Variants in TXNDC12 observed in about 807,000 individuals in gnomAD.
TXNDC12 encodes thioredoxin domain-containing protein 12.
TXNDC12 carries 22 observed loss-of-function variants against 24.2 expected under a neutral mutation model. The ratio of observed to expected loss-of-function variants is 0.91; its 90% CI spans 0.65 to 1.30. TXNDC12 has a LOEUF of 1.30. TXNDC12 is among the 50% of genes most tolerant of loss of function. The pLI, the probability that TXNDC12 is intolerant of heterozygous loss-of-function variation, is 0.00. For synonymous variants in TXNDC12, 58 were observed against 73.4 expected, an observed-to-expected ratio of 0.79 and a Z score of 1.07; for missense variants, 184 against 205.8, an observed-to-expected ratio of 0.89 and a Z score of 0.65.
Position 52,033,436 on chromosome 1 carries a change from C to G in TXNDC12, c.159-4806G>C, listed in dbSNP as rs944001448. On this transcript the variant is annotated intron_variant, in intron 2 of 6. Coordinates refer to ENST00000371626, the MANE Select transcript of TXNDC12 (RefSeq NM_015913.4). ...AGGTCCCGCGATCGGGCCGCCGGGC[C>G]GTACGCAGTAGACCAGGCAGAGCGG... The G allele has an allele frequency of 1.1e-5, 18 of 1,612,642 alleles. No homozygotes were observed. Among genetic ancestry groups the G allele is most frequent in the Admixed American group, 5.0e-5 (3 of 59,948 alleles).
chr1:52,054,869 G>C (rs1390657267), intron 1 of TXNDC12, 131 bp downstream of exon 1: 1 of 648,696 alleles, frequency 1.5e-6, no homozygotes, highest in Non-Finnish European at 2.7e-6. Context: ...GGAGCGGTTG[G>C]GGAAGATAAA....
chr1:52,037,751 G>GT (rs1444802023), intron 2 of TXNDC12, among the ~76,000 whole-genome samples: 1 of 152,102 alleles, frequency 6.6e-6, no homozygotes, highest in African/African-American at 2.4e-5. Flanking sequence ...GAGGCTGGAG[G>GT]TTAACAGCTT....
At position 52,024,017 on chromosome 1, in the gene TXNDC12, T is replaced by C. The variant is rs115831110; in HGVS notation, c.356-443A>G. Among the ~76,000 whole-genome samples the C allele has an allele frequency of 3.4e-3, 514 of 151,306 alleles. 3 individuals are homozygous for C. The highest frequency in any genetic ancestry group is 0.012 in the African/African-American group (489 of 41,152). On this transcript the variant is annotated intron_variant, in intron 5 of 6. Coordinates refer to ENST00000371626, the MANE Select transcript of TXNDC12 (RefSeq NM_015913.4). ...TTTTTTTTTTTTTGAGACAGGGTCA[T>C]TCAGTTTCCTTCTGTCATTCAGGCT...
At chr1:52,054,161 G>A (rs1198805392) in intron 1 of TXNDC12, among the ~76,000 whole-genome samples, 1 of 150,284 alleles carries the variant, frequency 6.7e-6, no homozygotes, top group East Asian at 1.9e-4. Context: ...GAGAGGATAA[G>A]AGAAAACAAA....
chr1:52,034,835 C>T (rs573713850), intron 2 of TXNDC12, among the ~76,000 whole-genome samples: 1 of 152,248 alleles, frequency 6.6e-6, no homozygotes, highest in African/African-American at 2.4e-5. Flanking sequence ...ATGATCTCAG[C>T]TCCCTGCAAC....
At position 52,024,524 on chromosome 1, in the gene TXNDC12, C is replaced by T. The variant is rs138944221; in HGVS notation, c.341G>A (p.Arg114Gln). ...DFSPDGGYIP[R>Q]ILFLDPSGKV... The stretch of plus-strand genomic sequence containing the variant: ...ATGTGCCTTACCCAGAAAAAGGATT[C>T]GTGGAATATAACCCCCGTCAGGGCT... Residue 114 changes from arginine to glutamine, a missense_variant, in exon 5 of 7, where the codon CGA becomes CAA. Coordinates refer to ENST00000371626, the MANE Select transcript of TXNDC12 (RefSeq NM_015913.4). The T allele has an allele frequency of 3.5e-5, 56 of 1,612,482 alleles. No individual in the cohort carries two copies. Among genetic ancestry groups the T allele is most frequent in the Admixed American group, 8.3e-5 (5 of 59,960 alleles).
chr1:52,046,882 T>A (rs1372298006), intron 1 of TXNDC12, among the ~76,000 whole-genome samples: 1 of 146,058 alleles, frequency 6.8e-6, no homozygotes, highest in Non-Finnish European at 1.5e-5. Flanking sequence ...TATATATATA[T>A]ATATATATAT....
rs1229275355 is a variant in TXNDC12 at position 52,046,866 on chromosome 1, A to AAATATAT, written c.98-5270_98-5269insATATATT. Among the ~76,000 whole-genome samples the AAATATAT allele has an allele frequency of 0.012, 376 of 30,108 alleles. 13 individuals are homozygous for AAATATAT. In the East Asian group the frequency reaches 0.15, roughly 12 times the overall value. 19.8% of individuals were successfully genotyped at this position (30,108 alleles called of 152,430 possible). On this transcript the variant is annotated intron_variant, in intron 1 of 6. Transcript: ENST00000371626. ...CCCCATCTCTACTAAAAAAAAAAAA[A>AAATATAT]ATATATATATATATATATATATATA...
chr1:52,034,133 T>C, intron 2 of TXNDC12: 1 of 1,066,034 alleles, frequency 9.4e-7, no homozygotes, highest in Non-Finnish European at 1.2e-6. Flanking sequence ...TTCTCCTTCA[T>C]TCCTCCTCTT....
chr1:52,051,029 C>A (rs949254270), intron 1 of TXNDC12: 1 of 169,336 alleles, frequency 5.9e-6, no homozygotes, highest in East Asian at 1.9e-4. Flanking sequence ...GACTCCTTTG[C>A]CTCATTTGAG....
intron 2 of TXNDC12, among the ~76,000 whole-genome samples, chr1:52,036,489 C>T (rs1572004955): frequency 6.6e-6 from 1 of 152,102 alleles, no homozygotes; most frequent in East Asian, 1.9e-4. Flanking sequence ...CTTGCTGTCT[C>T]AGGATGGCAG....
At chr1:52,042,989 A>G (rs2124384782) in intron 1 of TXNDC12, among the ~76,000 whole-genome samples, 1 of 152,164 alleles carries the variant, frequency 6.6e-6, no homozygotes, top group East Asian at 1.9e-4. Flanking sequence ...CGAACTCCTG[A>G]GCTCAGGTGA....
At chr1:52,025,817 C>A (rs928952510) in intron 4 of TXNDC12, among the ~76,000 whole-genome samples, 28 of 151,346 alleles carry the variant, frequency 1.9e-4, no homozygotes, top group Non-Finnish European at 3.5e-4. Context: ...TTTAAGTAAA[C>A]ATTATCTTTT....
chr1:52,023,340 C>T, intron 6 of TXNDC12, 151 bp downstream of exon 6: 6 of 590,760 alleles, frequency 1.0e-5, no homozygotes, highest in Non-Finnish European at 1.8e-5. Flanking sequence ...CATCTTCCTC[C>T]TATATCCTAC....
At chr1:52,023,664 A>G (rs1557989770) in intron 5 of TXNDC12, 90 bp from the exon 6 acceptor site, 2 of 944,730 alleles carry the variant, frequency 2.1e-6, no homozygotes, top group Non-Finnish European at 3.4e-6. Context: ...CCTCTGGGAA[A>G]TAAGATCTGC....
intron 3 of TXNDC12, among the ~76,000 whole-genome samples, chr1:52,027,971 G>A (rs570669315): frequency 1.8e-4 from 28 of 151,752 alleles, no homozygotes; most frequent in Non-Finnish European, 3.5e-4. Flanking sequence ...GATTACAGGC[G>A]CGTGCCACCA....
intron 2 of TXNDC12, chr1:52,032,700 G>C: frequency 6.2e-7 from 1 of 1,603,026 alleles, no homozygotes; most frequent in Non-Finnish European, 8.5e-7. Context: ...CCTCTGGTCA[G>C]TGCAGGCTCT....
chr1:52,023,721 G>C, intron 5 of TXNDC12, 147 bp from the exon 6 acceptor site: 1 of 578,422 alleles, frequency 1.7e-6, no homozygotes, highest in African/African-American at 1.9e-5. Flanking sequence ...CTACATTTCT[G>C]CTTCCTTTTC....
At chr1:52,040,394 C>T (rs1454297105) in intron 2 of TXNDC12, among the ~76,000 whole-genome samples, 1 of 151,978 alleles carries the variant, frequency 6.6e-6, no homozygotes, top group Non-Finnish European at 1.5e-5. Flanking sequence ...ACCATGTTGC[C>T]CAGATTGGTC....
Sources: gnomAD v4.1 joint callset for allele counts (sites outside exome capture counted in the v4.1 genomes callset) on GRCh38, gnomAD v4.1.1 for gene constraint, MANE v1.5 for transcripts, NCBI Gene and HGNC (gene_info 2026-07-23, HGNC 2026-07-21) for gene names.